CSMD1: variants seen among roughly 807,000 people sequenced by gnomAD.
CSMD1 encodes the protein CUB and Sushi multiple domains 1.
CSMD1 carries 213 observed loss-of-function variants against 417.5 expected under a neutral mutation model. The ratio of observed to expected loss-of-function variants is 0.51; its 90% confidence interval spans 0.46 to 0.57. The LOEUF (loss-of-function observed/expected upper bound fraction) is 0.57, where lower values mean the gene tolerates loss of function less well. Among genes scored for constraint, CSMD1 ranks in the 20% least tolerant of loss-of-function variants. The probability of loss-of-function intolerance (pLI) is 0.00; values close to 1 mark genes in which losing one functional copy is unlikely to be tolerated. For missense variants in CSMD1, 6,923 were observed against 4,529.7 expected (o/e 1.53, Z -15.17); for synonymous variants, 2,862 against 1,736.8 (o/e 1.65, Z -16.11).
intron 1 of CSMD1, among the ~76,000 whole-genome samples, chr8:4,931,909 TC>T (rs1337164509): frequency 2.6e-5 from 4 of 152,190 alleles, no homozygotes; most frequent in African/African-American, 9.7e-5. Flanking sequence ...TTTAGAAATG[TC>T]CCTTGGACAT....
intron 2 of CSMD1, among the ~76,000 whole-genome samples, chr8:4,561,124 T>C (rs1274685928): frequency 1.3e-5 from 2 of 152,088 alleles, no homozygotes; most frequent in Non-Finnish European, 2.9e-5. Flanking sequence ...GTAATTCCAG[T>C]AATTTGAGAG....
chr8:3,594,670 T>C (rs555426481), intron 8 of CSMD1, among the ~76,000 whole-genome samples: 1 of 152,206 alleles, frequency 6.6e-6, no homozygotes, highest in East Asian at 1.9e-4. Context: ...CTTCTCTCAC[T>C]TCTGAGGCAT....
intron 7 of CSMD1, among the ~76,000 whole-genome samples, chr8:3,620,655 T>C (rs1051424967): frequency 1.3e-5 from 2 of 152,018 alleles, no homozygotes; most frequent in Non-Finnish European, 2.9e-5. Context: ...AAAGTATCTA[T>C]AGAATATGTA....
At chr8:3,695,897 G>C (rs975037609) in intron 7 of CSMD1, among the ~76,000 whole-genome samples, 1 of 152,132 alleles carries the variant, frequency 6.6e-6, no homozygotes, top group Admixed American at 6.6e-5. Flanking sequence ...GTACTCATTT[G>C]ATATCTTTCT....
At chr8:4,299,817 G>C (rs376829072) in intron 3 of CSMD1, among the ~76,000 whole-genome samples, 1 of 151,758 alleles carries the variant, frequency 6.6e-6, no homozygotes, top group East Asian at 1.9e-4. Flanking sequence ...TTTTAGTACA[G>C]ATGGGTTTTC....
At chr8:3,850,777 C>T (rs944151628) in intron 5 of CSMD1, among the ~76,000 whole-genome samples, 2 of 151,890 alleles carry the variant, frequency 1.3e-5, no homozygotes, top group Non-Finnish European at 2.9e-5. Flanking sequence ...AGGGGTGTGC[C>T]TTAGTAGTGT....
chr8:2,998,299 A>G lies in CSMD1; in HGVS notation c.8204-115T>C, dbSNP rs1485663109. On this transcript the variant is annotated intron_variant, in intron 53 of 69. Transcript: ENST00000635120. Reference sequence around the variant, plus strand: ...TAACGGTATGGACTGAAGGTTTTCCACTAACCAGGCAGCTTACAGATGGTA... The same window carrying G: ...TAACGGTATGGACTGAAGGTTTTCCGCTAACCAGGCAGCTTACAGATGGTA... 1.3e-5 allele frequency: 13 copies of G among 1,016,496 alleles called. No homozygotes were observed. The African/African-American group carries it at 1.5e-4, about 11-fold the overall frequency. 63.0% of individuals were successfully genotyped at this position (1,016,496 alleles called of 1,614,324 possible).
At chr8:3,296,228 G>C (rs1366573094) in intron 25 of CSMD1, among the ~76,000 whole-genome samples, 2 of 152,094 alleles carry the variant, frequency 1.3e-5, no homozygotes, top group South Asian at 2.1e-4. Context: ...TTTTGGTGCA[G>C]CCTTGAAGGA....
chr8:4,170,388 G>A (rs749125250), intron 3 of CSMD1, among the ~76,000 whole-genome samples: 5 of 151,846 alleles, frequency 3.3e-5, no homozygotes, highest in Middle Eastern at 3.2e-3. Flanking sequence ...GAATTCAAGA[G>A]CCACCTGTGA....
chr8:3,143,170 G>C (rs1184055535), intron 40 of CSMD1, among the ~76,000 whole-genome samples: 2 of 152,098 alleles, frequency 1.3e-5, no homozygotes, highest in African/African-American at 4.8e-5. Context: ...TTTATTTTGT[G>C]TTTGTCTGTT....
intron 5 of CSMD1, among the ~76,000 whole-genome samples, chr8:3,971,822 G>A (rs1006440836): frequency 2.6e-5 from 4 of 152,242 alleles, no homozygotes; most frequent in Non-Finnish European, 4.4e-5. Flanking sequence ...TCTGTCTGTT[G>A]CATGAATTAT....
At chr8:3,656,308 T>C (rs1798101691) in intron 7 of CSMD1, among the ~76,000 whole-genome samples, 2 of 152,244 alleles carry the variant, frequency 1.3e-5, no homozygotes, top group Admixed American at 1.3e-4. Context: ...CTCAGAAGCT[T>C]AGGGCGAAAG....
intron 3 of CSMD1, among the ~76,000 whole-genome samples, chr8:4,062,774 C>G (rs6991934): frequency 6.6e-5 from 10 of 151,392 alleles, no homozygotes; most frequent in East Asian, 3.9e-4. Flanking sequence ...TCAGTAAAAT[C>G]TGATTGTTCA....
At chr8:4,675,623 A>G (rs193149178) in intron 1 of CSMD1, among the ~76,000 whole-genome samples, 1 of 151,580 alleles carries the variant, frequency 6.6e-6, no homozygotes, top group Non-Finnish European at 1.5e-5. Context: ...GACAGAATAA[A>G]CATAAAAAAA....
intron 3 of CSMD1, among the ~76,000 whole-genome samples, chr8:4,132,671 C>T (rs1803182492): frequency 6.6e-6 from 1 of 152,140 alleles, no homozygotes; most frequent in Non-Finnish European, 1.5e-5. Flanking sequence ...CATGACAAAC[C>T]TGATGAGCCT....
intron 2 of CSMD1, among the ~76,000 whole-genome samples, chr8:4,503,751 T>G (rs967884361): frequency 6.6e-6 from 1 of 152,064 alleles, no homozygotes; most frequent in Non-Finnish European, 1.5e-5. Context: ...TTCGGGAAGC[T>G]GGTCTGTCCT....
chr8:3,610,175 T>A (rs1801820350), intron 8 of CSMD1, among the ~76,000 whole-genome samples: 1 of 152,086 alleles, frequency 6.6e-6, no homozygotes, highest in Non-Finnish European at 1.5e-5. Context: ...TTGGCTGTAG[T>A]CCAGCAGCTT....
chr8:4,709,322 C>A (rs910656400), intron 1 of CSMD1, among the ~76,000 whole-genome samples: 1 of 152,164 alleles, frequency 6.6e-6, no homozygotes, highest in African/African-American at 2.4e-5. Flanking sequence ...AGGTTGATAC[C>A]TGAGGCCTCT....
At chr8:3,223,551 A>G (rs1798330108) in intron 28 of CSMD1, among the ~76,000 whole-genome samples, 178 bp downstream of exon 28, 1 of 152,188 alleles carries the variant, frequency 6.6e-6, no homozygotes, top group East Asian at 1.9e-4. Flanking sequence ...GAATGCCCCA[A>G]AGCAAAATAC....
Sources: allele counts gnomAD v4.1 joint callset (sites outside exome capture counted in the v4.1 genomes callset), GRCh38; gene constraint gnomAD v4.1.1; transcripts MANE v1.5; gene names NCBI Gene and HGNC (gene_info 2026-07-23, HGNC 2026-07-21).